FRMD3: variants seen among roughly 807,000 people sequenced by gnomAD.
The protein encoded by FRMD3 is FERM domain containing 3.
In FRMD3, 33 loss-of-function variants were observed where a neutral mutation model predicts 70.2. That is an observed-to-expected ratio of 0.47 (90% confidence interval 0.36 to 0.63). FRMD3 has a LOEUF of 0.63. FRMD3 is among the 20% of genes least tolerant of loss of function. The pLI is 0.00. For synonymous variants in FRMD3, 279 were observed against 255.9 expected (o/e 1.09, Z -0.86); for missense variants, 632 against 711.4 (o/e 0.89, Z 1.27).
At chr9:83,388,824 A>G (rs1268492704) in intron 2 of FRMD3, among the ~76,000 whole-genome samples, 1 of 152,200 alleles carries the variant, frequency 6.6e-6, no homozygotes, top group African/African-American at 2.4e-5. Flanking sequence ...AACCACTTTA[A>G]AATGCACATT....
At chr9:83,458,630 C>T (rs910217688) in intron 1 of FRMD3, among the ~76,000 whole-genome samples, 3 of 152,194 alleles carry the variant, frequency 2.0e-5, no homozygotes, top group Non-Finnish European at 4.4e-5. Context: ...GCGGACTGGT[C>T]CTAAGGATGC....
chr9:83,479,431 A>AGG (rs1828480875), intron 1 of FRMD3, among the ~76,000 whole-genome samples: 25 of 55,642 alleles, frequency 4.5e-4, no homozygotes, highest in African/African-American at 9.5e-4. Flanking sequence ...AAGGAGGGAA[A>AGG]GAAGGAAGGA....
At chr9:83,483,143 A>G (rs74836821) in intron 1 of FRMD3, among the ~76,000 whole-genome samples, 7,925 of 152,248 alleles carry the variant, frequency 0.052, 293 homozygotes, top group East Asian at 0.18. Flanking sequence ...ATGGGGGCAG[A>G]CTTTCCCCTT....
At chr9:83,554,917 G>A in the FRMD3 span, among the ~76,000 whole-genome samples, 1 of 152,116 alleles carries the variant, frequency 6.6e-6, no homozygotes, top group Admixed American at 6.5e-5. Context: ...AGCCACCTGG[G>A]ATTTTCTAGA....
the FRMD3 span, among the ~76,000 whole-genome samples, chr9:83,579,245 T>C: frequency 6.6e-6 from 1 of 151,768 alleles, no homozygotes; most frequent in Non-Finnish European, 1.5e-5. Context: ...CCCAAAATTG[T>C]CTATAGATTC....
chr9:83,548,220 G>T, the FRMD3 span, among the ~76,000 whole-genome samples: 1 of 152,156 alleles, frequency 6.6e-6, no homozygotes, highest in African/African-American at 2.4e-5. Flanking sequence ...ATGCAACTAG[G>T]TATTCATGCA....
chr9:83,253,456 A>T lies in FRMD3; in HGVS notation c.1196-4940T>A, dbSNP rs561451950. Among the ~76,000 whole-genome samples, 9 of 152,332 alleles carry T rather than the reference A, an allele frequency of 5.9e-5. No individual in the cohort carries two copies. The South Asian group carries it at 1.7e-3, about 28-fold the overall frequency. On this transcript the variant is annotated intron_variant, in intron 13 of 13. Coordinates refer to ENST00000304195, the MANE Select transcript of FRMD3 (RefSeq NM_174938.6). ...AACCCCATCAAAAAGTGGGCAAAAG[A>T]TATGAACAGACACTTCTCAAAAGAA...
chr9:83,531,978 C>A (rs1829799939), intron 1 of FRMD3, among the ~76,000 whole-genome samples: 1 of 152,174 alleles, frequency 6.6e-6, no homozygotes, highest in African/African-American at 2.4e-5. Context: ...TCATTTGATT[C>A]TAAGTCAAAG....
At position 83,419,451 on chromosome 9, in the gene FRMD3, T is replaced by A. The variant is rs112401552; in HGVS notation, c.148-29743A>T. Among the ~76,000 whole-genome samples, 760 of 135,232 alleles carry A rather than the reference T, an allele frequency of 5.6e-3. 4 individuals are homozygous for A. The highest frequency in any genetic ancestry group is 0.022 in the African/African-American group (638 of 29,562). The allele number at this position is 135,232 out of a possible 152,430, so 88.7% of individuals were successfully genotyped here. The stretch of plus-strand genomic sequence containing the variant: ...ATCTTGAGGGGCTGCTGTGAGAGAG[T>A]GTGTGTGTGTGTGTGTGTGTGTTCA... On this transcript the variant is annotated intron_variant, in intron 1 of 13. Transcript: ENST00000304195.
At chr9:83,515,299 A>G (rs1829430960) in intron 1 of FRMD3, among the ~76,000 whole-genome samples, 1 of 152,218 alleles carries the variant, frequency 6.6e-6, no homozygotes, top group Admixed American at 6.5e-5. Context: ...GCTGAAAAAC[A>G]CAGCACGAAA....
intron 10 of FRMD3, among the ~76,000 whole-genome samples, chr9:83,302,343 C>T (rs1441534913): frequency 6.6e-6 from 1 of 152,120 alleles, no homozygotes; most frequent in African/African-American, 2.4e-5. Flanking sequence ...AAACTCTGTA[C>T]CCCCAAATTC....
chr9:83,407,533 A>C (rs1439205430), intron 1 of FRMD3, among the ~76,000 whole-genome samples: 3 of 152,232 alleles, frequency 2.0e-5, no homozygotes, highest in Non-Finnish European at 4.4e-5. Flanking sequence ...TATATGTAGC[A>C]GAATGAAAAT....
chr9:83,532,589 GATTAGCCGAC>G (rs1829811599), intron 1 of FRMD3, among the ~76,000 whole-genome samples: 1 of 152,116 alleles, frequency 6.6e-6, no homozygotes, highest in African/African-American at 2.4e-5. Context: ...GCTCCTGCAT[GATTAGCCGAC>G]AGCTGTTCCT....
intron 1 of FRMD3, among the ~76,000 whole-genome samples, chr9:83,477,847 C>G (rs1191099842): frequency 2.0e-5 from 3 of 152,158 alleles, no homozygotes; most frequent in Non-Finnish European, 4.4e-5. Context: ...ACATTCCAAG[C>G]CTTAGACCTT....
intron 1 of FRMD3, among the ~76,000 whole-genome samples, chr9:83,433,508 G>A (rs1827041468): frequency 6.6e-6 from 1 of 152,234 alleles, no homozygotes; most frequent in Non-Finnish European, 1.5e-5. Context: ...ACGGATCAAG[G>A]TGGAAGTGGG....
At chr9:83,524,782 G>A (rs1267854964) in intron 1 of FRMD3, among the ~76,000 whole-genome samples, 1 of 152,050 alleles carries the variant, frequency 6.6e-6, no homozygotes, top group African/African-American at 2.4e-5. Context: ...AGGATATCAA[G>A]AGGACTATAA....
At chr9:83,511,007 G>A (rs548247401) in intron 1 of FRMD3, among the ~76,000 whole-genome samples, 7 of 152,178 alleles carry the variant, frequency 4.6e-5, no homozygotes, top group African/African-American at 1.4e-4. Flanking sequence ...TGAATTGTAC[G>A]TTACGTGTAT....
rs1319268822 is a variant in FRMD3, at chr9:83,247,431, A to G, written c.*487T>C. 1.0e-6 allele frequency: 1 copy of G among 981,718 alleles called. No homozygotes were observed. The highest frequency in any genetic ancestry group is 1.2e-6 in the Non-Finnish European group (1 of 826,458). The allele number at this position is 981,718 out of a possible 1,614,324, so 60.8% of individuals were successfully genotyped here. ...TTACCAAAATAGTTTGAACACATAAAAATATTTTTAAAAAAACAGAACCAA... is the reference window on the plus strand; with the variant it reads ...TTACCAAAATAGTTTGAACACATAAGAATATTTTTAAAAAAACAGAACCAA... On this transcript the variant is annotated 3_prime_UTR_variant, in exon 14 of 14. Transcript: ENST00000304195.
At position 83,527,619 on chromosome 9, in the gene FRMD3, G is replaced by T. The variant is rs565868899; in HGVS notation, c.147+10466C>A. ...CAAGCACCACCTGGAAGCGTGCTAA[G>T]AATGTCAAATTTCAGGGCCCTTCCC... On this transcript the variant is annotated intron_variant, in intron 1 of 13. Coordinates refer to ENST00000304195, the MANE Select transcript of FRMD3 (RefSeq NM_174938.6). 2.7e-3 allele frequency among the ~76,000 whole-genome samples: 411 copies of T among 152,278 alleles called. 4 individuals carry two copies. The highest frequency in any genetic ancestry group is 9.4e-3 in the African/African-American group (392 of 41,564).
Sources: gnomAD v4.1 joint callset for allele counts (sites outside exome capture counted in the v4.1 genomes callset) on GRCh38, gnomAD v4.1.1 for gene constraint, MANE v1.5 for transcripts, NCBI Gene and HGNC (gene_info 2026-07-23, HGNC 2026-07-21) for gene names.